Variants in ZNF500 observed in about 807,000 individuals in gnomAD.
The protein encoded by ZNF500 is zinc finger protein with KRAB and SCAN domains 18.
ZNF500 carries 31 observed loss-of-function variants against 30.1 expected under a neutral mutation model. The observed-to-expected ratio is 1.03, with a 90% CI of 0.77 to 1.39. The LOEUF (loss-of-function observed/expected upper bound fraction) is 1.39, where lower values mean the gene tolerates loss of function less well. Among genes scored for constraint, ZNF500 ranks in the 40% most tolerant of loss-of-function variants. The probability of loss-of-function intolerance (pLI) is 0.00; values close to 1 mark genes in which losing one functional copy is unlikely to be tolerated. For synonymous variants in ZNF500, 392 were observed against 282.0 expected (o/e 1.39, Z -3.91); for missense variants, 817 against 657.8 (o/e 1.24, Z -2.65).
At chr16:4,759,313 T>TGC (rs1189088412) in intron 5 of ZNF500, among the ~76,000 whole-genome samples, 4 of 151,722 alleles carry the variant, frequency 2.6e-5, no homozygotes, top group Non-Finnish European at 5.9e-5. Flanking sequence ...ATGGTGCAGA[T>TGC]GCTGTGGAAA....
intron 2 of ZNF500, chr16:4,763,518 G>A (rs1467900583): frequency 1.0e-6 from 1 of 983,280 alleles, no homozygotes; most frequent in East Asian, 1.1e-4. Context: ...ATTGAGCTCT[G>A]CAATAGCACT....
Position 4,753,218 on chromosome 16 carries a change from T to C in ZNF500, c.761-160A>G. 5.2e-6 allele frequency: 7 copies of C among 1,348,970 alleles called. No individual in the cohort carries two copies. In the Middle Eastern group the frequency reaches 1.2e-3, roughly 231 times the overall value. 83.6% of individuals were successfully genotyped at this position (1,348,970 alleles called of 1,614,324 possible). On this transcript the variant is annotated intron_variant, in intron 5 of 5. Coordinates refer to ENST00000219478, the MANE Select transcript of ZNF500 (RefSeq NM_021646.4). ...GCTCACGCCTATAATCCCAGCACTT[T>C]GGAAGGCTGAAGTGGGAGGATTGCT...
At chr16:4,759,193 C>G (rs1238494988) in intron 5 of ZNF500, among the ~76,000 whole-genome samples, 1 of 144,008 alleles carries the variant, frequency 6.9e-6, no homozygotes, top group African/African-American at 2.7e-5. Context: ...CCAGCCTGGG[C>G]AACAGAGCAA....
At chr16:4,747,557 G>T (rs780395407), downstream of ZNF500, 3 of 1,612,196 alleles carry the variant, frequency 1.9e-6, no homozygotes, top group Non-Finnish European at 2.5e-6. Context: ...CAGGCCCAGA[G>T]CCCTGGGGGA....
downstream of ZNF500, chr16:4,744,891 A>C (rs944586666): frequency 9.3e-6 from 15 of 1,613,588 alleles, no homozygotes; most frequent in East Asian, 2.2e-5. Flanking sequence ...CCGAGCGCCC[A>C]CAACAGGCTC....
downstream of ZNF500, chr16:4,745,129 C>G (rs912597046): frequency 1.5e-6 from 2 of 1,323,262 alleles, no homozygotes; most frequent in Admixed American, 2.1e-5. Context: ...CAGTCACTCT[C>G]AAGCATCTGA....
rs1279503809 is a variant in ZNF500, at chr16:4,763,408, AAAAAAAAAAAG to A, written c.415-663_415-653del. Reference sequence around the variant, plus strand: ...AGCGAGACTCCATCTCAGGGAAGAAAAAAAAAAAAAGAAAAAAAAAAGAAATTATCAACAGG... The same window carrying A: ...AGCGAGACTCCATCTCAGGGAAGAAAAAAAAAAAAAGAAATTATCAACAGG... On this transcript the variant is annotated intron_variant, in intron 2 of 5. Transcript: ENST00000219478. 6.1e-5 allele frequency among the ~76,000 whole-genome samples: 9 copies of A among 147,860 alleles called. No homozygotes were observed. In the South Asian group the frequency reaches 1.5e-3, roughly 24 times the overall value.
intron 2 of ZNF500, among the ~76,000 whole-genome samples, chr16:4,763,419 G>A (rs7498192): frequency 6.2e-5 from 9 of 145,730 alleles, no homozygotes; most frequent in Middle Eastern, 3.6e-3. Context: ...AAAAAAAAAA[G>A]AAAAAAAAAA....
rs939352401 is a variant in ZNF500 at position 4,748,888 on chromosome 16, G to C, written c.*3488C>G. The C allele has an allele frequency of 1.3e-5, 2 of 152,398 alleles. No homozygotes were observed. Among genetic ancestry groups the C allele is most frequent in the African/African-American group, 4.8e-5 (2 of 41,472 alleles). The allele number at this position is 152,398 out of a possible 1,614,324, so 9.4% of individuals were successfully genotyped here. On this transcript the variant is annotated 3_prime_UTR_variant, in exon 6 of 6. Coordinates refer to ENST00000219478, the MANE Select transcript of ZNF500 (RefSeq NM_021646.4). Reference sequence around the variant, plus strand: ...CTGGCTGCCAGGCCACTGAGGATGGGCAGGGGTCTCTTCTCATCAAGCCTT... The same window carrying C: ...CTGGCTGCCAGGCCACTGAGGATGGCCAGGGGTCTCTTCTCATCAAGCCTT...
chr16:4,766,553 G>A (rs1267993587), intron 1 of ZNF500, among the ~76,000 whole-genome samples: 2 of 152,144 alleles, frequency 1.3e-5, no homozygotes, highest in East Asian at 3.9e-4. Context: ...CCCGGGAGAT[G>A]GAGGTTGCAG....
downstream of ZNF500, among the ~76,000 whole-genome samples, chr16:4,745,244 C>A (rs2075470): frequency 0.61 from 92,216 of 152,106 alleles, 28,374 homozygotes; most frequent in East Asian, 0.68. Context: ...CTCAAGCCCT[C>A]AAGTACCTGC....
At chr16:4,744,995 G>T, downstream of ZNF500, 1 of 1,613,436 alleles carries the variant, frequency 6.2e-7, no homozygotes, top group Non-Finnish European at 8.5e-7. Context: ...CACCAAAGAG[G>T]CAGATTCAGG....
At chr16:4,747,769 G>A (rs543874962), downstream of ZNF500, 5 of 1,080,478 alleles carry the variant, frequency 4.6e-6, no homozygotes, top group Non-Finnish European at 5.2e-6. Flanking sequence ...TTGGACTGTT[G>A]CCCACCCTGT....
chr16:4,745,590 A>G (rs2082004699), downstream of ZNF500, among the ~76,000 whole-genome samples: 1 of 152,210 alleles, frequency 6.6e-6, no homozygotes, highest in Non-Finnish European at 1.5e-5. Flanking sequence ...TCTGAGAACC[A>G]GTGAATCCCT....
intron 5 of ZNF500, among the ~76,000 whole-genome samples, chr16:4,754,862 G>C (rs1252833002): frequency 6.6e-6 from 1 of 152,042 alleles, no homozygotes; most frequent in Non-Finnish European, 1.5e-5. Context: ...GAGGTGAGTG[G>C]GTCATGGAGG....
intron 2 of ZNF500, among the ~76,000 whole-genome samples, chr16:4,764,993 C>T (rs1314665177): frequency 2.0e-5 from 3 of 151,692 alleles, no homozygotes; most frequent in African/African-American, 7.3e-5. Flanking sequence ...GGTGCCGGAC[C>T]TCTCTCCCAC....
chr16:4,750,794 T>TG lies in ZNF500; in HGVS notation c.*1581_*1582insC, dbSNP rs1345958829. On this transcript the variant is annotated 3_prime_UTR_variant, in exon 6 of 6. Transcript: ENST00000219478. ...AGCGTGAGCCACTGCACCTGGCTTT[T>TG]TTTTTTTTTTTTTTTTTTTGGTAGG... is the stretch of plus-strand genomic sequence containing the variant. 1.4e-5 allele frequency: 2 copies of TG among 141,918 alleles called. No individual in the cohort carries two copies. The highest frequency in any genetic ancestry group is 5.2e-5 in the African/African-American group (2 of 38,712). 8.8% of individuals were successfully genotyped at this position (141,918 alleles called of 1,614,324 possible). A position where few individuals can be genotyped will look rare whatever the true frequency, so the allele number is the denominator to read the frequency against.
In ZNF500 at chr16:4,765,871, C is replaced by A. The variant is rs779706851; in HGVS notation, c.108G>T (p.Glu36Asp). Residue 36 changes from glutamate (E) to aspartate (D), a missense_variant, in exon 2 of 6, where the codon GAG (glutamate) becomes GAT (aspartate). Physicochemically the swap from Glu to Asp is conservative, Grantham distance 45. Coordinates refer to ENST00000219478, the MANE Select transcript of ZNF500 (RefSeq NM_021646.4). ...KVEEDFCLEE[E>D]PSVETEDPSP... ...TGGGGTCCTCCGTCTCCACGGAGGG[C>A]TCCTCTTCCAAGCAGAAGTCCTCCT... 2.5e-6 allele frequency: 4 copies of A among 1,613,720 alleles called. No homozygotes were observed. In the Admixed American group the frequency reaches 6.7e-5, roughly 27 times the overall value.
At chr16:4,764,778 T>C (rs1567540167) in intron 2 of ZNF500, among the ~76,000 whole-genome samples, 2 of 129,640 alleles carry the variant, frequency 1.5e-5, no homozygotes, top group Non-Finnish European at 3.3e-5. Context: ...CGAGACTCCA[T>C]CTCAAAAAAA....
Sources: allele counts gnomAD v4.1 joint callset (sites outside exome capture counted in the v4.1 genomes callset), GRCh38; gene constraint gnomAD v4.1.1; transcripts MANE v1.5; gene names NCBI Gene and HGNC (gene_info 2026-07-23, HGNC 2026-07-21).